EPHA6: variants seen among roughly 807,000 people sequenced by gnomAD.
The protein encoded by EPHA6 is ephrin type-A receptor 6.
Under a neutral mutation model 112.0 loss-of-function variants are expected in EPHA6, and 50 were observed. The ratio of observed to expected loss-of-function variants is 0.45; its 90% CI spans 0.36 to 0.56. The LOEUF is 0.56. Among genes scored for constraint, EPHA6 ranks in the 20% least tolerant of loss-of-function variants. EPHA6 has a pLI of 0.00. For missense variants in EPHA6, 1,280 were observed against 1,417.4 expected (o/e 0.90, Z 1.56); for synonymous variants, 529 against 490.7 (o/e 1.08, Z -1.03).
At chr3:97,300,608 A>G (rs2081055005) in intron 5 of EPHA6, among the ~76,000 whole-genome samples, 1 of 152,150 alleles carries the variant, frequency 6.6e-6, no homozygotes, top group Non-Finnish European at 1.5e-5. Context: ...AGCTTTTGCT[A>G]CCTCATTTTG....
At chr3:96,995,397 A>G (rs1030530929) in intron 3 of EPHA6, among the ~76,000 whole-genome samples, 1 of 152,162 alleles carries the variant, frequency 6.6e-6, no homozygotes, top group African/African-American at 2.4e-5. Context: ...CACACACTGA[A>G]TATAAACTCT....
chr3:96,883,290 T>G (rs1158535832), intron 2 of EPHA6, among the ~76,000 whole-genome samples: 1 of 152,130 alleles, frequency 6.6e-6, no homozygotes, highest in Non-Finnish European at 1.5e-5. Context: ...TCTTACAGAT[T>G]TAAGTTTGTT....
At chr3:97,649,501 T>A (rs2094092277) in intron 14 of EPHA6, among the ~76,000 whole-genome samples, 1 of 151,996 alleles carries the variant, frequency 6.6e-6, no homozygotes, top group Non-Finnish European at 1.5e-5. Flanking sequence ...GAGAATTCAC[T>A]GGGAAATTCA....
chr3:97,480,682 T>A (rs1577528973), intron 9 of EPHA6, among the ~76,000 whole-genome samples: 1 of 152,154 alleles, frequency 6.6e-6, no homozygotes, highest in Non-Finnish European at 1.5e-5. Flanking sequence ...TCCCCACATT[T>A]CCCCCTTTTC....
intron 3 of EPHA6, among the ~76,000 whole-genome samples, chr3:97,013,689 A>G (rs760601067): frequency 6.6e-6 from 1 of 152,200 alleles, no homozygotes; most frequent in South Asian, 2.1e-4. Flanking sequence ...TATGTTTAAA[A>G]TGGATGTTCT....
rs536738204 is a variant in EPHA6 at position 97,448,792 on chromosome 3, A to T, written c.1894+62A>T. Reference sequence around the variant, plus strand: ...TTTAGTATCATTCCAATTTGACCTGATATTTTAAAACCAGGTGTCCCAAGT... The same window carrying T: ...TTTAGTATCATTCCAATTTGACCTGTTATTTTAAAACCAGGTGTCCCAAGT... On this transcript the variant is annotated intron_variant, in intron 7 of 17. Transcript: ENST00000389672. 3.2e-6 allele frequency: 5 copies of T among 1,547,454 alleles called. No individual in the cohort carries two copies. The South Asian group carries it at 5.7e-5, about 18-fold the overall frequency.
chr3:97,494,146 A>C (rs1490105843), intron 10 of EPHA6, among the ~76,000 whole-genome samples: 2 of 152,138 alleles, frequency 1.3e-5, no homozygotes, highest in Non-Finnish European at 2.9e-5. Flanking sequence ...GGTATTTGAC[A>C]TTTTATCACA....
At chr3:97,568,954 A>T (rs954026001) in intron 11 of EPHA6, among the ~76,000 whole-genome samples, 3 of 152,206 alleles carry the variant, frequency 2.0e-5, no homozygotes, top group Non-Finnish European at 4.4e-5. Context: ...AACTGACTTG[A>T]TAGGATTGTT....
intron 14 of EPHA6, among the ~76,000 whole-genome samples, chr3:97,719,643 T>C (rs1283387166): frequency 6.6e-6 from 1 of 152,186 alleles, no homozygotes; most frequent in East Asian, 1.9e-4. Flanking sequence ...AAATGTTAAG[T>C]TGAAATTGAA....
chr3:97,245,283 C>T (rs1032751862), intron 5 of EPHA6, among the ~76,000 whole-genome samples: 4 of 151,882 alleles, frequency 2.6e-5, no homozygotes, highest in African/African-American at 4.8e-5. Context: ...TGTAGGTGGC[C>T]ATCTTTTCCC....
At chr3:96,951,963 C>A (rs954700255) in intron 2 of EPHA6, among the ~76,000 whole-genome samples, 1 of 152,078 alleles carries the variant, frequency 6.6e-6, no homozygotes, top group African/African-American at 2.4e-5. Flanking sequence ...CTTACTGTTT[C>A]TCAGCAACCT....
intron 2 of EPHA6, among the ~76,000 whole-genome samples, chr3:96,950,450 C>G (rs142367282): frequency 6.6e-6 from 1 of 152,240 alleles, no homozygotes; most frequent in East Asian, 1.9e-4. Flanking sequence ...GCATTTCTCT[C>G]TCTCATGAGG....
Position 97,752,029 on chromosome 3 carries a change from T to G in EPHA6, c.*3328T>G, listed in dbSNP as rs193161793. 1.6e-4 allele frequency among the ~76,000 whole-genome samples: 24 copies of G among 152,280 alleles called. No individual in the cohort carries two copies. Among genetic ancestry groups the G allele is most frequent in the Middle Eastern group, 3.4e-3 (1 of 294 alleles). On this transcript the variant is annotated 3_prime_UTR_variant, in exon 18 of 18. Transcript: ENST00000389672. ...TTAAAAAGCAATCAAATTGCAAAAT[T>G]TTGGTGGTTTAACACGAATCAAGAA...
At position 97,244,305 on chromosome 3, in the gene EPHA6, T is replaced by A; in HGVS notation, c.1606+18T>A. On this transcript the variant is annotated intron_variant, in intron 5 of 17. Coordinates refer to ENST00000389672, the MANE Select transcript of EPHA6 (RefSeq NM_001080448.3). ...TCAAGATGGTAAGTTCCACTGCTGT[T>A]CTCTCAAAACAGACCCATAATTTCT... The A allele has an allele frequency of 6.2e-7, 1 of 1,607,054 alleles. No individual in the cohort carries two copies. Among genetic ancestry groups the A allele is most frequent in the Non-Finnish European group, 8.5e-7 (1 of 1,174,402 alleles).
intron 2 of EPHA6, among the ~76,000 whole-genome samples, chr3:96,917,039 A>G (rs2039516229): frequency 6.6e-6 from 1 of 152,148 alleles, no homozygotes; most frequent in Non-Finnish European, 1.5e-5. Flanking sequence ...ACAGATCTCC[A>G]TTAATTTTCC....
chr3:97,694,523 C>A (rs574494442), intron 14 of EPHA6, among the ~76,000 whole-genome samples: 99 of 152,332 alleles, frequency 6.5e-4, no homozygotes, highest in African/African-American at 2.1e-3. Context: ...AGGCGTGAGG[C>A]ACTGCGCCCA....
At chr3:97,124,862 T>C (rs572887176) in intron 3 of EPHA6, among the ~76,000 whole-genome samples, 1 of 152,256 alleles carries the variant, frequency 6.6e-6, no homozygotes, top group South Asian at 2.1e-4. Flanking sequence ...ACCTCAGAAA[T>C]TTTAAGGTTA....
At chr3:96,917,420 A>C (rs2039540897) in intron 2 of EPHA6, among the ~76,000 whole-genome samples, 1 of 114,802 alleles carries the variant, frequency 8.7e-6, no homozygotes, top group Non-Finnish European at 1.7e-5. Context: ...CTCCATCTCA[A>C]AAAAAAAAAA....
At chr3:97,338,552 C>A (rs931949086) in intron 5 of EPHA6, among the ~76,000 whole-genome samples, 3 of 152,134 alleles carry the variant, frequency 2.0e-5, no homozygotes, top group African/African-American at 7.2e-5. Flanking sequence ...ATGAATCATT[C>A]TGTAAATCTC....
Sources: gnomAD v4.1 joint callset for allele counts (sites outside exome capture counted in the v4.1 genomes callset) on GRCh38, gnomAD v4.1.1 for gene constraint, MANE v1.5 for transcripts, NCBI Gene and HGNC (gene_info 2026-07-23, HGNC 2026-07-21) for gene names.